ENOX1: variants seen among roughly 807,000 people sequenced by gnomAD.
The protein encoded by ENOX1 is ecto-NOX disulfide-thiol exchanger 1.
A neutral mutation model predicts 82.5 loss-of-function variants in ENOX1; 42 were observed. The observed-to-expected ratio is 0.51, with a 90% CI of 0.40 to 0.66. The LOEUF is 0.66. Ranked by LOEUF, ENOX1 falls within the 30% of genes least tolerant of loss-of-function variation. The probability of loss-of-function intolerance (pLI) is 0.00; values close to 1 mark genes in which losing one functional copy is unlikely to be tolerated. For synonymous variants in ENOX1, 271 were observed against 282.2 expected (o/e 0.96, Z 0.40); for missense variants, 608 against 811.6 (o/e 0.75, Z 3.05).
chr13:43,298,820 C>T (rs2046416480), intron 11 of ENOX1, among the ~76,000 whole-genome samples: 1 of 152,170 alleles, frequency 6.6e-6, no homozygotes, highest in African/African-American at 2.4e-5. Flanking sequence ...GCTAGACACC[C>T]TCACAGACAT....
chr13:43,267,541 G>A (rs2044452352), intron 13 of ENOX1, among the ~76,000 whole-genome samples: 1 of 152,218 alleles, frequency 6.6e-6, no homozygotes, highest in Non-Finnish European at 1.5e-5. Context: ...TTCCCTGCAT[G>A]TGTCCATTTG....
intron 1 of ENOX1, among the ~76,000 whole-genome samples, chr13:43,673,795 C>A (rs151260285): frequency 6.6e-6 from 1 of 152,198 alleles, no homozygotes; most frequent in South Asian, 2.1e-4. Context: ...TTATATCTGA[C>A]TTGTCTCCTA....
At chr13:43,630,274 G>C (rs2083145555) in intron 2 of ENOX1, among the ~76,000 whole-genome samples, 2 of 152,118 alleles carry the variant, frequency 1.3e-5, no homozygotes, top group African/African-American at 4.8e-5. Flanking sequence ...CAGCAATTTT[G>C]CCAGATGAGT....
chr13:43,550,723 C>A (rs1315395664), intron 2 of ENOX1, among the ~76,000 whole-genome samples: 3 of 152,126 alleles, frequency 2.0e-5, no homozygotes, highest in African/African-American at 7.2e-5. Context: ...ATAATGTGCT[C>A]AAAAACTACA....
At chr13:43,732,141 T>C (rs1375327206) in intron 1 of ENOX1, among the ~76,000 whole-genome samples, 4 of 152,236 alleles carry the variant, frequency 2.6e-5, no homozygotes, top group Non-Finnish European at 4.4e-5. Context: ...CTCCTCCTAC[T>C]TGGCTATCAC....
intron 2 of ENOX1, among the ~76,000 whole-genome samples, chr13:43,509,262 A>G (rs1035864502): frequency 2.6e-5 from 4 of 152,056 alleles, no homozygotes; most frequent in Non-Finnish European, 2.9e-5. Flanking sequence ...CCCCACTAGT[A>G]TCTAACACAT....
chr13:43,687,887 C>T (rs1165704617), intron 1 of ENOX1, among the ~76,000 whole-genome samples: 1 of 152,060 alleles, frequency 6.6e-6, no homozygotes, highest in Non-Finnish European at 1.5e-5. Context: ...GACAACATAC[C>T]TTTTACATTT....
intron 2 of ENOX1, among the ~76,000 whole-genome samples, chr13:43,601,239 C>A (rs2081705987): frequency 6.6e-6 from 1 of 151,862 alleles, no homozygotes; most frequent in Admixed American, 6.6e-5. Context: ...ACTATTCAGA[C>A]AAAGAATTCA....
chr13:43,256,096 C>T (rs1424092709), intron 14 of ENOX1, among the ~76,000 whole-genome samples: 4 of 152,064 alleles, frequency 2.6e-5, no homozygotes, highest in African/African-American at 9.7e-5. Flanking sequence ...GCTAGGAAAA[C>T]AGTATGCAGA....
At chr13:43,759,079 CCTGGAA>C (rs1950813480) in intron 1 of ENOX1, among the ~76,000 whole-genome samples, 1 of 148,276 alleles carries the variant, frequency 6.7e-6, no homozygotes, top group Non-Finnish European at 1.5e-5. Context: ...AAACCTGGCC[CCTGGAA>C]CTGATAAGTT....
intron 1 of ENOX1, among the ~76,000 whole-genome samples, chr13:43,711,068 C>A (rs972430430): frequency 9.2e-6 from 1 of 109,182 alleles, no homozygotes; most frequent in Admixed American, 1.1e-4. Flanking sequence ...ATCCCTCCCC[C>A]CTCCCCCCAC....
intron 1 of ENOX1, among the ~76,000 whole-genome samples, chr13:43,717,069 A>T (rs1471806161): frequency 6.6e-6 from 1 of 152,204 alleles, no homozygotes; most frequent in Non-Finnish European, 1.5e-5. Flanking sequence ...ACCAAAAAAA[A>T]GCCTGAATAG....
At chr13:43,697,834 T>TG (rs1054341924) in intron 1 of ENOX1, among the ~76,000 whole-genome samples, 2 of 152,202 alleles carry the variant, frequency 1.3e-5, no homozygotes, top group African/African-American at 4.8e-5. Context: ...AAGACTGGTT[T>TG]GGGTCCCCAT....
intron 12 of ENOX1, among the ~76,000 whole-genome samples, chr13:43,278,234 A>G (rs2045174522): frequency 6.6e-6 from 1 of 152,182 alleles, no homozygotes; most frequent in African/African-American, 2.4e-5. Context: ...CAAACATTTT[A>G]TGTGGCAACT....
intron 3 of ENOX1, among the ~76,000 whole-genome samples, chr13:43,447,238 G>T (rs2056698767): frequency 6.6e-6 from 1 of 152,202 alleles, no homozygotes; most frequent in East Asian, 1.9e-4. Context: ...CAAGGGCCCA[G>T]CACAGTGCCT....
chr13:43,312,544 T>A (rs2047264747), intron 11 of ENOX1, among the ~76,000 whole-genome samples: 1 of 152,182 alleles, frequency 6.6e-6, no homozygotes, highest in African/African-American at 2.4e-5. Flanking sequence ...TCTCTTTATC[T>A]TTTTGGGGAC....
At chr13:43,662,401 T>C (rs551831975) in intron 2 of ENOX1, among the ~76,000 whole-genome samples, 21 of 152,336 alleles carry the variant, frequency 1.4e-4, no homozygotes, top group Admixed American at 8.5e-4. Flanking sequence ...ATAGGTGCTT[T>C]TCCCTGTTAT....
At chr13:43,785,577 C>A (rs941522035) in intron 1 of ENOX1, among the ~76,000 whole-genome samples, 1 of 152,124 alleles carries the variant, frequency 6.6e-6, no homozygotes, top group Non-Finnish European at 1.5e-5. Flanking sequence ...TGTAATGTTA[C>A]AGCAGTGAAA....
At chr13:43,502,810 C>T (rs2077026970) in intron 2 of ENOX1, among the ~76,000 whole-genome samples, 1 of 151,450 alleles carries the variant, frequency 6.6e-6, no homozygotes, top group Non-Finnish European at 1.5e-5. Flanking sequence ...GATATCCACT[C>T]TTACCATTTC....
Sources: allele counts gnomAD v4.1 joint callset (sites outside exome capture counted in the v4.1 genomes callset), GRCh38; gene constraint gnomAD v4.1.1; transcripts MANE v1.5; gene names NCBI Gene and HGNC (gene_info 2026-07-23, HGNC 2026-07-21).